The following ALX1 variants were observed in gnomAD, a reference collection of about 807,000 sequenced individuals.
ALX1 encodes the protein ALX homeobox 1, also known as ALX homeobox protein 1.
A neutral mutation model predicts 31.7 loss-of-function variants in ALX1; 19 were observed. The observed-to-expected ratio is 0.60, with a 90% CI of 0.42 to 0.88. The LOEUF (loss-of-function observed/expected upper bound fraction) is 0.88. Among genes scored for constraint, ALX1 ranks in the 40% least tolerant of loss-of-function variants. The pLI is 0.00. For synonymous variants in ALX1, 153 were observed against 148.8 expected, an observed-to-expected ratio of 1.03 and a Z score of -0.20; for missense variants, 415 against 407.8, an observed-to-expected ratio of 1.02 and a Z score of -0.15.
chr12:85,288,153 A>C (rs531692957), intron 3 of ALX1, among the ~76,000 whole-genome samples: 1 of 151,574 alleles, frequency 6.6e-6, no homozygotes, highest in Non-Finnish European at 1.5e-5. Context: ...TCCTTTAAAA[A>C]AGTTATGAAA....
chr12:85,295,169 C>A (rs1382290797), intron 3 of ALX1, among the ~76,000 whole-genome samples: 2 of 150,836 alleles, frequency 1.3e-5, no homozygotes, highest in Non-Finnish European at 3.0e-5. Flanking sequence ...TAGACAAAGT[C>A]TCAGTGTGTG....
chr12:85,290,213 G>C (rs577480665), intron 3 of ALX1, among the ~76,000 whole-genome samples: 1 of 151,024 alleles, frequency 6.6e-6, no homozygotes, highest in East Asian at 1.9e-4. Context: ...TCAACTGGCC[G>C]TCTTTTTACT....
rs138244335 is a variant in ALX1 at position 85,301,470 on chromosome 12, A to G, written c.976A>G (p.Met326Val). The G allele has an allele frequency of 3.1e-6, 5 of 1,613,808 alleles. No individual in the cohort carries two copies. Among genetic ancestry groups the G allele is most frequent in the East Asian group, 2.2e-5 (1 of 44,880 alleles). The change falls in exon 4 of 4, where the codon ATG becomes GTG. Residue 326 changes from methionine to valine, a missense_variant. Physicochemically the swap from Met to Val is conservative, Grantham distance 21. Transcript: ENST00000316824. ...GCACACCGCCAATATTTCATGGGCCATGTAACATACAGTACTCTTTTATTT... is the reference window on the plus strand; with the variant it reads ...GCACACCGCCAATATTTCATGGGCCGTGTAACATACAGTACTCTTTTATTT... Reference protein sequence around the residue: ...KEHTANISWAM With the variant: ...KEHTANISWAV
intron 2 of ALX1, among the ~76,000 whole-genome samples, chr12:85,284,657 A>G (rs953547376): frequency 6.6e-6 from 1 of 152,180 alleles, no homozygotes; most frequent in Non-Finnish European, 1.5e-5. Flanking sequence ...GAAAAATCAT[A>G]CCAGGTAAAA....
At chr12:85,288,418 T>G (rs1198685216) in intron 3 of ALX1, among the ~76,000 whole-genome samples, 1 of 151,624 alleles carries the variant, frequency 6.6e-6, no homozygotes, top group Admixed American at 6.6e-5. Context: ...TGGTGGTTAC[T>G]TACCATCATA....
chr12:85,299,611 C>CA (rs1420830942), intron 3 of ALX1, among the ~76,000 whole-genome samples: 1 of 151,734 alleles, frequency 6.6e-6, no homozygotes, highest in Non-Finnish European at 1.5e-5. Flanking sequence ...AGCACCTTGC[C>CA]AATCACTGAA....
chr12:85,283,081 G>A (rs1279761510), intron 1 of ALX1, among the ~76,000 whole-genome samples: 2 of 152,182 alleles, frequency 1.3e-5, no homozygotes, highest in Non-Finnish European at 2.9e-5. Flanking sequence ...TCTATCATCA[G>A]TACGTTTTAC....
chr12:85,283,765 C>G lies in ALX1; in HGVS notation c.420C>G (p.Thr140=), dbSNP rs1214757484. Residue 140 remains threonine, a synonymous_variant, in exon 2 of 4, where the codon ACC becomes ACG. Coordinates refer to ENST00000316824, the MANE Select transcript of ALX1 (RefSeq NM_006982.3). The part of the protein sequence containing the change: ...SKKRRHRTTF[T]SLQLEELEKV... ...AACGGAGGCACCGAACCACCTTCAC[C>G]AGTTTGCAGCTAGAGGAGCTGGAGA... is the stretch of plus-strand genomic sequence containing the variant. 1 of 1,614,130 alleles carries G rather than the reference C, an allele frequency of 6.2e-7. No homozygotes were observed. Among genetic ancestry groups the G allele is most frequent in the South Asian group, 1.1e-5 (1 of 91,082 alleles).
At chr12:85,289,037 C>T (rs1896783994) in intron 3 of ALX1, among the ~76,000 whole-genome samples, 1 of 151,342 alleles carries the variant, frequency 6.6e-6, no homozygotes, top group Non-Finnish European at 1.5e-5. Context: ...GTATATTCCA[C>T]AACACTTGAC....
At chr12:85,296,354 C>T (rs73165949) in intron 3 of ALX1, among the ~76,000 whole-genome samples, 35,684 of 151,340 alleles carry the variant, frequency 0.24, 4,672 homozygotes, top group Non-Finnish European at 0.29. Flanking sequence ...TTCCTCTCTA[C>T]TGCTTTTAAT....
chr12:85,301,097 GT>G (rs1396877364), intron 3 of ALX1, 57 bp from the exon 4 acceptor site: 15 of 1,596,312 alleles, frequency 9.4e-6, no homozygotes, highest in Non-Finnish European at 1.2e-5. Flanking sequence ...CTTAACAAAA[GT>G]AAGAGAACAA....
Position 85,283,873 on chromosome 12 carries a change from C to T in ALX1, c.528C>T (p.Val176=). 6.2e-7 allele frequency: 1 copy of T among 1,613,646 alleles called. No homozygotes were observed. Among genetic ancestry groups the T allele is most frequent in the East Asian group, 2.2e-5 (1 of 44,874 alleles). ...ALRTELTEAR[V]QVWFQNRRAK... ...GGACAGAGCTCACTGAGGCCAGGGT[C>T]CAGGTAGGAGCCAAAAAGAGGCCTT... Residue 176 remains valine (V), a synonymous_variant, in exon 2 of 4, where the codon GTC becomes GTT. Transcript: ENST00000316824.
Position 85,301,282 on chromosome 12 carries a change from C to T in ALX1, c.788C>T (p.Thr263Met). ...SHSPRTDSSYTGFSNHQNQFS... is the reference protein window; with the variant it reads ...SHSPRTDSSYMGFSNHQNQFS... Reference sequence around the variant, plus strand: ...TCGCCTCGGACAGATTCCAGTTACACGGGGTTTTCAAACCACCAGAACCAG... The same window carrying T: ...TCGCCTCGGACAGATTCCAGTTACATGGGGTTTTCAAACCACCAGAACCAG... Residue 263 changes from threonine (T) to methionine (M), a missense_variant, in exon 4 of 4, where the codon ACG (threonine) becomes ATG (methionine). Physicochemically the swap from Thr to Met is moderately conservative, Grantham distance 81 (BLOSUM62 -1). This residue lies in a region of ALX1 where 174 missense variants were observed against 177.5 expected (regional missense o/e 0.98). Coordinates refer to ENST00000316824, the MANE Select transcript of ALX1 (RefSeq NM_006982.3). 3 of 1,614,042 alleles carry T rather than the reference C, an allele frequency of 1.9e-6. No homozygotes were observed. Among genetic ancestry groups the T allele is most frequent in the South Asian group, 1.1e-5 (1 of 91,082 alleles).
chr12:85,291,296 A>C (rs540048169), intron 3 of ALX1, among the ~76,000 whole-genome samples: 1 of 151,222 alleles, frequency 6.6e-6, no homozygotes. Flanking sequence ...ATCTAGACAA[A>C]ATTCCCTGCT....
chr12:85,292,810 C>T (rs1458298189), intron 3 of ALX1, among the ~76,000 whole-genome samples: 5 of 150,846 alleles, frequency 3.3e-5, no homozygotes, highest in African/African-American at 1.2e-4. Context: ...TAGGACTTGT[C>T]TCCTTCAACC....
chr12:85,293,290 A>T (rs1057264392), intron 3 of ALX1, among the ~76,000 whole-genome samples: 2 of 150,228 alleles, frequency 1.3e-5, no homozygotes, highest in Non-Finnish European at 3.0e-5. Context: ...AGTTATGTGT[A>T]GCATGAGACA....
chr12:85,287,084 G>T (rs1896758680), intron 3 of ALX1, 103 bp downstream of exon 3: 5 of 1,353,616 alleles, frequency 3.7e-6, no homozygotes, highest in Non-Finnish European at 5.1e-6. Flanking sequence ...TAATAGCCAA[G>T]AATGAAAATC....
intron 3 of ALX1, among the ~76,000 whole-genome samples, chr12:85,298,677 A>G (rs896478324): frequency 6.6e-6 from 1 of 151,778 alleles, no homozygotes; most frequent in African/African-American, 2.4e-5. Flanking sequence ...ATAAATGACA[A>G]TCTTCAAAAT....
chr12:85,296,809 C>T (rs553146502), intron 3 of ALX1, among the ~76,000 whole-genome samples: 51 of 142,658 alleles, frequency 3.6e-4, no homozygotes, highest in African/African-American at 1.2e-3. Flanking sequence ...GAATATTAAA[C>T]AGAGGCCTAC....
Sources: allele counts gnomAD v4.1 joint callset (sites outside exome capture counted in the v4.1 genomes callset), GRCh38; gene constraint gnomAD v4.1.1; regional missense constraint gnomAD v4.1.1; transcripts MANE v1.5; gene names NCBI Gene and HGNC (gene_info 2026-07-23, HGNC 2026-07-21).